The following ROBO1 variants were observed in gnomAD, a reference collection of about 807,000 sequenced individuals.
ROBO1 encodes roundabout homolog 1.
Under a neutral mutation model 195.9 loss-of-function variants are expected in ROBO1, and 149 were observed. That is an observed-to-expected ratio of 0.76 (90% confidence interval 0.67 to 0.87). The LOEUF is 0.87. Ranked by LOEUF, ROBO1 falls within the 40% of genes least tolerant of loss-of-function variation. The probability of loss-of-function intolerance (pLI) is 0.00; values close to 1 mark genes in which losing one functional copy is unlikely to be tolerated. For synonymous variants in ROBO1, 816 were observed against 733.2 expected (o/e 1.11, Z -1.82); for missense variants, 1,933 against 2,068.3 (o/e 0.93, Z 1.27).
intron 1 of ROBO1, among the ~76,000 whole-genome samples, chr3:79,730,406 T>A (rs2107349268): frequency 6.6e-6 from 1 of 152,318 alleles, no homozygotes; most frequent in Admixed American, 6.5e-5. Context: ...TTCATTCTAA[T>A]GCAACAAAGT....
chr3:79,676,832 G>A (rs1946798266), intron 1 of ROBO1, among the ~76,000 whole-genome samples: 1 of 151,982 alleles, frequency 6.6e-6, no homozygotes, highest in South Asian at 2.1e-4. Flanking sequence ...TGAGAATGAG[G>A]GGGAGTCAGT....
At chr3:79,729,955 T>C (rs1046663387) in intron 1 of ROBO1, among the ~76,000 whole-genome samples, 1 of 152,216 alleles carries the variant, frequency 6.6e-6, no homozygotes, top group Non-Finnish European at 1.5e-5. Flanking sequence ...CTGTGAAAGA[T>C]CTTGCCAACC....
intron 2 of ROBO1, among the ~76,000 whole-genome samples, chr3:79,391,563 T>C (rs925698823): frequency 6.6e-6 from 1 of 152,088 alleles, no homozygotes; most frequent in Non-Finnish European, 1.5e-5. Flanking sequence ...CCCAACACTA[T>C]CTTTTATCTC....
chr3:79,640,792 T>C (rs1945636280), intron 1 of ROBO1, among the ~76,000 whole-genome samples: 1 of 152,142 alleles, frequency 6.6e-6, no homozygotes. Context: ...AACTTGACCA[T>C]GAAGACTCAC....
Position 78,677,408 on chromosome 3 carries a change from T to C in ROBO1, c.1343-7107A>G, listed in dbSNP as rs572798317. Among the ~76,000 whole-genome samples, 43 of 152,242 alleles carry C rather than the reference T, an allele frequency of 2.8e-4. 1 individual carries two copies. The East Asian group carries it at 7.1e-3, about 25-fold the overall frequency. On this transcript the variant is annotated intron_variant, in intron 10 of 30. Coordinates refer to ENST00000464233, the MANE Select transcript of ROBO1 (RefSeq NM_002941.4). ...TGGATAAAGAGTCAACACCCATCAG[T>C]GTGCTGTATTCAGGAAACCCATCTC...
At chr3:79,471,645 T>C (rs955255638) in intron 2 of ROBO1, among the ~76,000 whole-genome samples, 1 of 152,178 alleles carries the variant, frequency 6.6e-6, no homozygotes, top group African/African-American at 2.4e-5. Context: ...CAAGGTCTTC[T>C]GAATTTAGAC....
At chr3:78,974,156 G>A (rs116036158) in intron 3 of ROBO1, among the ~76,000 whole-genome samples, 5,698 of 152,052 alleles carry the variant, frequency 0.037, 183 homozygotes, top group African/African-American at 0.096. Flanking sequence ...CAGGCATCCT[G>A]TATTATATTT....
chr3:79,019,458 T>A, intron 3 of ROBO1: 1 of 986,210 alleles, frequency 1.0e-6, no homozygotes, highest in Non-Finnish European at 1.2e-6. Context: ...TCCAGCTCAA[T>A]TGCTTGTGGG....
intron 18 of ROBO1, among the ~76,000 whole-genome samples, chr3:78,656,064 T>C (rs367746613): frequency 6.6e-6 from 1 of 152,188 alleles, no homozygotes; most frequent in Non-Finnish European, 1.5e-5. Flanking sequence ...TAATTTGTAC[T>C]TTATGTTCAT....
intron 2 of ROBO1, among the ~76,000 whole-genome samples, chr3:79,564,503 G>T (rs973516877): frequency 6.6e-6 from 1 of 152,076 alleles, no homozygotes; most frequent in African/African-American, 2.4e-5. Context: ...GTATGTAATG[G>T]AGTATGGAAG....
At chr3:79,386,129 T>A (rs535306363) in intron 2 of ROBO1, among the ~76,000 whole-genome samples, 1 of 152,250 alleles carries the variant, frequency 6.6e-6, no homozygotes, top group South Asian at 2.1e-4. Flanking sequence ...TGACTGTTTT[T>A]TACATGAACT....
chr3:79,542,336 A>G (rs190622370), intron 2 of ROBO1, among the ~76,000 whole-genome samples: 1 of 152,194 alleles, frequency 6.6e-6, no homozygotes, highest in East Asian at 1.9e-4. Context: ...ATTATGGCAA[A>G]TGTACAATCA....
intron 1 of ROBO1, among the ~76,000 whole-genome samples, chr3:79,762,594 G>A (rs1298758514): frequency 1.0e-5 from 1 of 96,132 alleles, no homozygotes. Context: ...ACCATTTGGG[G>A]CAGAATTCTG....
chr3:79,634,726 G>A (rs907858860), intron 1 of ROBO1, among the ~76,000 whole-genome samples: 3 of 151,896 alleles, frequency 2.0e-5, no homozygotes, highest in African/African-American at 4.8e-5. Context: ...TTATAAACAG[G>A]TTGAAAAAAT....
chr3:79,345,747 T>C (rs574472564), intron 2 of ROBO1, among the ~76,000 whole-genome samples: 1 of 152,306 alleles, frequency 6.6e-6, no homozygotes, highest in South Asian at 2.1e-4. Flanking sequence ...ACTCTCTCCT[T>C]ACCCTGCCAT....
chr3:79,260,406 T>C (rs973828212), intron 2 of ROBO1, among the ~76,000 whole-genome samples: 7 of 152,104 alleles, frequency 4.6e-5, no homozygotes, highest in Non-Finnish European at 1.0e-4. Context: ...TGCATGTGTA[T>C]ATATTTATGT....
rs114532151 is a variant in ROBO1 at position 79,580,113 on chromosome 3, G to A, written c.88+9711C>T. Among the ~76,000 whole-genome samples the A allele has an allele frequency of 8.1e-4, 122 of 151,190 alleles. 1 individual carries two copies. Among genetic ancestry groups the A allele is most frequent in the African/African-American group, 2.8e-3 (115 of 41,180 alleles). ...ATTCAGTCATTTGTGTAGATACATC[G>A]CCCTACTAACCTGGTAATTCAGAGA... On this transcript the variant is annotated intron_variant, in intron 2 of 30. Coordinates refer to ENST00000464233, the MANE Select transcript of ROBO1 (RefSeq NM_002941.4).
At chr3:78,722,941 T>A (rs201821640) in intron 5 of ROBO1, among the ~76,000 whole-genome samples, 1 of 148,544 alleles carries the variant, frequency 6.7e-6, no homozygotes, top group South Asian at 2.1e-4. Context: ...ACATTATTAT[T>A]ATAATTATTT....
At chr3:79,736,023 AG>A (rs1703369866) in intron 1 of ROBO1, among the ~76,000 whole-genome samples, 1 of 152,180 alleles carries the variant, frequency 6.6e-6, no homozygotes, top group Non-Finnish European at 1.5e-5. Flanking sequence ...TTTTTTGTAA[AG>A]CTCCATTCTA....
Sources: gnomAD v4.1 joint callset for allele counts (sites outside exome capture counted in the v4.1 genomes callset) on GRCh38, gnomAD v4.1.1 for gene constraint, MANE v1.5 for transcripts, NCBI Gene and HGNC (gene_info 2026-07-23, HGNC 2026-07-21) for gene names.